The following ANKS1B variants were observed in gnomAD, a reference collection of about 807,000 sequenced individuals.
The protein encoded by ANKS1B is ankyrin repeat and sterile alpha motif domain containing 1B, also known as ankyrin repeat and sterile alpha motif domain-containing protein 1B.
A neutral mutation model predicts 148.3 loss-of-function variants in ANKS1B; 36 were observed. The observed-to-expected ratio is 0.24, with a 90% CI of 0.19 to 0.32. The LOEUF (loss-of-function observed/expected upper bound fraction) is 0.32. Among genes scored for constraint, ANKS1B ranks in the 10% least tolerant of loss-of-function variants. The pLI, the probability that ANKS1B is intolerant of heterozygous loss-of-function variation, is 1.00. For missense variants in ANKS1B, 1,157 were observed against 1,542.6 expected (o/e 0.75, Z 4.19); for synonymous variants, 542 against 560.8 (o/e 0.97, Z 0.47).
At chr12:99,194,983 T>C (rs1048666178) in intron 14 of ANKS1B, among the ~76,000 whole-genome samples, 1 of 152,176 alleles carries the variant, frequency 6.6e-6, no homozygotes, top group Non-Finnish European at 1.5e-5. Flanking sequence ...AAAAAGGTTT[T>C]TTTAATCATG....
chr12:99,660,001 C>G (rs2098468555), intron 8 of ANKS1B, among the ~76,000 whole-genome samples: 1 of 152,142 alleles, frequency 6.6e-6, no homozygotes. Context: ...AGGAAAGAGG[C>G]AATATCAGAG....
chr12:98,886,219 C>A (rs989081759), intron 17 of ANKS1B, among the ~76,000 whole-genome samples: 1 of 151,958 alleles, frequency 6.6e-6, no homozygotes, highest in Non-Finnish European at 1.5e-5. Flanking sequence ...ATGAAGAAAT[C>A]TGAATGAGAT....
chr12:98,824,242 G>A (rs1474407718), intron 19 of ANKS1B, among the ~76,000 whole-genome samples: 4 of 152,100 alleles, frequency 2.6e-5, no homozygotes, highest in South Asian at 2.1e-4. Context: ...CCTCTGCATC[G>A]TGATATATGC....
chr12:99,467,274 T>C (rs1175380674), intron 10 of ANKS1B, among the ~76,000 whole-genome samples: 1 of 152,168 alleles, frequency 6.6e-6, no homozygotes, highest in African/African-American at 2.4e-5. Flanking sequence ...AAATTAGGTA[T>C]TGATGGGTTG....
intron 10 of ANKS1B, among the ~76,000 whole-genome samples, chr12:99,450,459 G>A (rs1176862284): frequency 6.6e-6 from 1 of 152,148 alleles, no homozygotes; most frequent in East Asian, 1.9e-4. Flanking sequence ...GGTCTTAACT[G>A]CTTTTGCACT....
chr12:99,027,188 T>G (rs957340514), intron 17 of ANKS1B, among the ~76,000 whole-genome samples: 9 of 152,228 alleles, frequency 5.9e-5, no homozygotes, highest in African/African-American at 2.2e-4. Flanking sequence ...AAGAATGGAA[T>G]CATGAGGTCC....
intron 9 of ANKS1B, among the ~76,000 whole-genome samples, chr12:99,505,648 A>C (rs1049927280): frequency 6.7e-6 from 1 of 148,316 alleles, no homozygotes; most frequent in Non-Finnish European, 1.5e-5. Context: ...ATATATGTAT[A>C]TATATATAAT....
chr12:99,175,714 C>T (rs147790875), intron 14 of ANKS1B, among the ~76,000 whole-genome samples: 2 of 152,322 alleles, frequency 1.3e-5, no homozygotes, highest in Middle Eastern at 3.4e-3. Context: ...ATAGTACCAT[C>T]ACCAGAATAC....
chr12:99,102,776 C>G (rs2058269064), intron 15 of ANKS1B, among the ~76,000 whole-genome samples: 1 of 151,624 alleles, frequency 6.6e-6, no homozygotes, highest in African/African-American at 2.4e-5. Context: ...ATAGGAGACT[C>G]TTAGCTGGGC....
chr12:99,421,603 T>A (rs2095085290), intron 11 of ANKS1B, among the ~76,000 whole-genome samples: 1 of 152,032 alleles, frequency 6.6e-6, no homozygotes, highest in Admixed American at 6.5e-5. Flanking sequence ...ATTAGGAGGT[T>A]AAAGAGCCCC....
At chr12:99,040,915 G>A (rs1175422520) in intron 17 of ANKS1B, among the ~76,000 whole-genome samples, 1 of 152,142 alleles carries the variant, frequency 6.6e-6, no homozygotes, top group Non-Finnish European at 1.5e-5. Context: ...CCAAATCCCC[G>A]CAGTCTAGCT....
intron 9 of ANKS1B, among the ~76,000 whole-genome samples, chr12:99,594,293 G>A (rs2097734547): frequency 6.6e-6 from 1 of 152,040 alleles, no homozygotes; most frequent in Non-Finnish European, 1.5e-5. Flanking sequence ...ATGAAAAACA[G>A]TATGAAATTT....
intron 8 of ANKS1B, among the ~76,000 whole-genome samples, chr12:99,746,303 A>C (rs1398828968): frequency 6.6e-6 from 1 of 152,206 alleles, no homozygotes; most frequent in African/African-American, 2.4e-5. Context: ...TATTTTCTCT[A>C]GTCCCTATCC....
rs1159516692 is a variant in ANKS1B at position 99,696,120 on chromosome 12, AAG to A, written c.1129-40912_1129-40911del. Reference sequence around the variant, plus strand: ...AAGTTGAAATAAAAAATAAATTAAAAAGAGAAATTTTTTTTAAGTAGATTCAT... The same window carrying A: ...AAGTTGAAATAAAAAATAAATTAAAAAGAAATTTTTTTTAAGTAGATTCAT... On this transcript the variant is annotated intron_variant, in intron 8 of 26. Coordinates refer to ENST00000683438, the MANE Select transcript of ANKS1B (RefSeq NM_001352186.2). 7.9e-5 allele frequency among the ~76,000 whole-genome samples: 12 copies of A among 152,240 alleles called. No homozygotes were observed. The South Asian group carries it at 1.0e-3, about 13-fold the overall frequency.
chr12:99,315,508 A>G (rs1034506559), intron 12 of ANKS1B, among the ~76,000 whole-genome samples: 19 of 152,192 alleles, frequency 1.2e-4, no homozygotes, highest in African/African-American at 4.3e-4. Flanking sequence ...CAAAACCACA[A>G]TGAGATACCA....
At chr12:99,432,765 C>T (rs1380555123) in intron 11 of ANKS1B, among the ~76,000 whole-genome samples, 3 of 152,128 alleles carry the variant, frequency 2.0e-5, no homozygotes, top group Non-Finnish European at 4.4e-5. Context: ...GGGAGAAGGG[C>T]TTTCCAGACA....
intron 9 of ANKS1B, among the ~76,000 whole-genome samples, chr12:99,586,587 T>A (rs1056649033): frequency 3.9e-5 from 6 of 152,196 alleles, no homozygotes. Flanking sequence ...TTTTTGAGTA[T>A]CTTTACGGCA....
chr12:99,953,963 G>C (rs751366679), intron 1 of ANKS1B, among the ~76,000 whole-genome samples: 44 of 152,154 alleles, frequency 2.9e-4, no homozygotes, highest in Non-Finnish European at 6.0e-4. Flanking sequence ...GTAATAGGGG[G>C]TTTGTGGGGG....
chr12:99,592,183 T>C (rs2097709476), intron 9 of ANKS1B, among the ~76,000 whole-genome samples: 1 of 152,272 alleles, frequency 6.6e-6, no homozygotes, highest in African/African-American at 2.4e-5. Context: ...TTTAGTTCTG[T>C]TCATTTTAGC....
Sources: gnomAD v4.1 joint callset for allele counts (sites outside exome capture counted in the v4.1 genomes callset) on GRCh38, gnomAD v4.1.1 for gene constraint, MANE v1.5 for transcripts, NCBI Gene and HGNC (gene_info 2026-07-23, HGNC 2026-07-21) for gene names.